The following COL19A1 variants were observed in gnomAD, a reference collection of about 807,000 sequenced individuals.
COL19A1 encodes the protein collagen type XIX alpha 1 chain.
A neutral mutation model predicts 190.2 loss-of-function variants in COL19A1; 159 were observed. The ratio of observed to expected loss-of-function variants is 0.84; its 90% CI spans 0.73 to 0.95. The LOEUF (loss-of-function observed/expected upper bound fraction) is 0.95. Ranked by LOEUF, COL19A1 falls within the 40% of genes least tolerant of loss-of-function variation. The pLI is 0.00. For missense variants in COL19A1, 1,418 were observed against 1,431.9 expected (o/e 0.99, Z 0.16); for synonymous variants, 509 against 458.9 (o/e 1.11, Z -1.39).
At chr6:70,194,939 C>T (rs968855062) in intron 48 of COL19A1, among the ~76,000 whole-genome samples, 12 of 151,078 alleles carry the variant, frequency 7.9e-5, no homozygotes, top group East Asian at 3.9e-4. Flanking sequence ...TATGTTTTCT[C>T]GATATGCATT....
intron 11 of COL19A1, among the ~76,000 whole-genome samples, 173 bp downstream of exon 11, chr6:69,963,043 A>G (rs1230428262): frequency 1.3e-5 from 2 of 152,222 alleles, no homozygotes; most frequent in African/African-American, 4.8e-5. Flanking sequence ...AATGATTGCC[A>G]GAAATCTTTC....
chr6:70,000,365 T>C (rs187026222), intron 11 of COL19A1, among the ~76,000 whole-genome samples: 1 of 152,314 alleles, frequency 6.6e-6, no homozygotes, highest in African/African-American at 2.4e-5. Context: ...ATGATTTATA[T>C]TCCTTTGGGT....
chr6:70,210,512 C>T lies in COL19A1; in HGVS notation c.*3238C>T, dbSNP rs1768124676. Among the ~76,000 whole-genome samples, 1 of 152,116 alleles carries T rather than the reference C, an allele frequency of 6.6e-6. No individual in the cohort carries two copies. The highest frequency in any genetic ancestry group is 2.1e-4 in the South Asian group (1 of 4,834). On this transcript the variant is annotated 3_prime_UTR_variant, in exon 51 of 51. Coordinates refer to ENST00000620364, the MANE Select transcript of COL19A1 (RefSeq NM_001858.6). ...TTTAAAATTTTAGTCACTTAAAGAA[C>T]TTAAGCAATTATATTAAAATACGTT... is the stretch of plus-strand genomic sequence containing the variant.
At chr6:69,901,524 C>T (rs933969327) in intron 4 of COL19A1, among the ~76,000 whole-genome samples, 7 of 152,232 alleles carry the variant, frequency 4.6e-5, no homozygotes, top group Non-Finnish European at 8.8e-5. Flanking sequence ...TGGGACACTT[C>T]AGCAGATGTA....
Position 69,879,626 on chromosome 6 carries a change from C to G in COL19A1, c.59C>G (p.Ala20Gly), listed in dbSNP as rs1390974151. Residue 20 changes from alanine to glycine, a missense_variant, in exon 2 of 51, where the codon GCT becomes GGT. Physicochemically the swap from Ala to Gly is moderately conservative, Grantham distance 60. Coordinates refer to ENST00000620364, the MANE Select transcript of COL19A1 (RefSeq NM_001858.6). ...WLWMSIFLLP[A>G]STSVTVRDKT... Reference sequence around the variant, plus strand: ...TGGATGTCAATATTTCTGCTTCCTGCTTCCACTTCCGTGACCGTTAGGGAC... The same window carrying G: ...TGGATGTCAATATTTCTGCTTCCTGGTTCCACTTCCGTGACCGTTAGGGAC... 1 of 1,614,004 alleles carries G rather than the reference C, an allele frequency of 6.2e-7. No individual in the cohort carries two copies. The highest frequency in any genetic ancestry group is 8.5e-7 in the Non-Finnish European group (1 of 1,180,024).
intron 15 of COL19A1, among the ~76,000 whole-genome samples, chr6:70,071,577 A>G (rs1450277043): frequency 6.6e-6 from 1 of 151,988 alleles, no homozygotes; most frequent in African/African-American, 2.4e-5. Context: ...TTATTTATTT[A>G]CTTTGTCTTC....
Position 70,040,304 on chromosome 6 carries a change from T to G in COL19A1, c.1170+4365T>G, listed in dbSNP as rs141046459. On this transcript the variant is annotated intron_variant, in intron 14 of 50. Coordinates refer to ENST00000620364, the MANE Select transcript of COL19A1 (RefSeq NM_001858.6). ...ATAAAGAAGTGAGGGTGACCAAGTT[T>G]AAAAAGGAGTAGGAAAGGTAAAATT... is the stretch of plus-strand genomic sequence containing the variant. Among the ~76,000 whole-genome samples the G allele has an allele frequency of 1.1e-3, 162 of 152,266 alleles. 1 individual carries two copies. The highest frequency in any genetic ancestry group is 4.0e-4 in the Non-Finnish European group (27 of 68,010).
At chr6:70,129,111 C>T (rs1033483003) in intron 17 of COL19A1, among the ~76,000 whole-genome samples, 5 of 152,218 alleles carry the variant, frequency 3.3e-5, no homozygotes, top group Non-Finnish European at 7.3e-5. Context: ...GAATTAGGAA[C>T]AAGCCTGTCC....
chr6:69,875,244 C>A (rs1281094544), intron 1 of COL19A1, among the ~76,000 whole-genome samples: 2 of 152,232 alleles, frequency 1.3e-5, no homozygotes, highest in Middle Eastern at 3.4e-3. Flanking sequence ...CTGGCAATTT[C>A]ATCACTGGAA....
In COL19A1 at chr6:70,119,511, A is replaced by G. The variant is rs117012580; in HGVS notation, c.1279-2369A>G. The stretch of plus-strand genomic sequence containing the variant: ...GATCACCCAGTATTCTCTAGGGTAC[A>G]CACATCATCATGATAAGAAAATTAC... On this transcript the variant is annotated intron_variant, in intron 16 of 50. Transcript: ENST00000620364. 2.8e-3 allele frequency among the ~76,000 whole-genome samples: 427 copies of G among 152,316 alleles called. 1 individual carries two copies. The highest frequency in any genetic ancestry group is 0.023 in the South Asian group (109 of 4,826).
intron 15 of COL19A1, among the ~76,000 whole-genome samples, chr6:70,071,274 C>CTT (rs59345579): frequency 0.99 from 150,003 of 152,162 alleles, 73,944 homozygotes; most frequent in East Asian, 1. Context: ...TTCTTTTTCT[C>CTT]TAACTCTTTG....
intron 11 of COL19A1, among the ~76,000 whole-genome samples, chr6:69,975,232 C>A (rs897541324): frequency 1.3e-5 from 2 of 152,182 alleles, no homozygotes; most frequent in African/African-American, 4.8e-5. Context: ...GCTAATGGAT[C>A]CCTTGTCTTC....
At chr6:69,961,448 T>C (rs1774793348) in intron 10 of COL19A1, among the ~76,000 whole-genome samples, 1 of 152,192 alleles carries the variant, frequency 6.6e-6, no homozygotes, top group Non-Finnish European at 1.5e-5. Context: ...TGGGAAATAG[T>C]TTTGGACTTT....
In COL19A1 at chr6:70,149,743, A is replaced by G; in HGVS notation, c.1929+4A>G. On this transcript the variant is annotated splice_donor_region_variant and intron_variant, in intron 28 of 50. Coordinates refer to ENST00000620364, the MANE Select transcript of COL19A1 (RefSeq NM_001858.6). ...AGCTGGAGAGCCAGGTATTCAGGTAAGCTATTTAACTAATTTTTTAGCACA... is the reference window on the plus strand; with the variant it reads ...AGCTGGAGAGCCAGGTATTCAGGTAGGCTATTTAACTAATTTTTTAGCACA... 2 of 1,613,630 alleles carry G rather than the reference A, an allele frequency of 1.2e-6. No homozygotes were observed. Among genetic ancestry groups the G allele is most frequent in the Non-Finnish European group, 1.7e-6 (2 of 1,179,778 alleles).
chr6:70,147,985 A>C (rs531174941), intron 27 of COL19A1, among the ~76,000 whole-genome samples: 55 of 152,302 alleles, frequency 3.6e-4, no homozygotes, highest in Admixed American at 1.2e-3. Context: ...TTGAACAGTC[A>C]GAAGAGATAC....
intron 11 of COL19A1, among the ~76,000 whole-genome samples, chr6:70,017,047 T>A (rs1197684923): frequency 6.6e-6 from 1 of 152,116 alleles, no homozygotes; most frequent in African/African-American, 2.4e-5. Flanking sequence ...CACAAAAAGA[T>A]GTTTATTTTA....
intron 4 of COL19A1, among the ~76,000 whole-genome samples, chr6:69,921,777 T>G (rs1445445634): frequency 2.7e-5 from 4 of 150,400 alleles, no homozygotes; most frequent in Admixed American, 1.3e-4. Context: ...CGTATATGTA[T>G]ATTCGTATGT....
intron 46 of COL19A1, among the ~76,000 whole-genome samples, chr6:70,185,200 A>C (rs998661910): frequency 6.6e-6 from 1 of 152,194 alleles, no homozygotes; most frequent in African/African-American, 2.4e-5. Context: ...TATCTCTACT[A>C]TAACCATCAC....
intron 41 of COL19A1, among the ~76,000 whole-genome samples, chr6:70,174,191 AC>A (rs1162494972): frequency 6.6e-6 from 1 of 152,168 alleles, no homozygotes; most frequent in Non-Finnish European, 1.5e-5. Context: ...TAGTTCAGGG[AC>A]CACAGAAGTG....
Sources: allele counts gnomAD v4.1 joint callset (sites outside exome capture counted in the v4.1 genomes callset), GRCh38; gene constraint gnomAD v4.1.1; transcripts MANE v1.5; gene names NCBI Gene and HGNC (gene_info 2026-07-23, HGNC 2026-07-21).